The following BACE2 variants were observed in gnomAD, a reference collection of about 807,000 sequenced individuals.
The protein encoded by BACE2 is 56 kDa aspartic-like protease.
In BACE2, 17 loss-of-function variants were observed where a neutral mutation model predicts 46.2. The observed-to-expected ratio is 0.37, with a 90% confidence interval of 0.25 to 0.55. BACE2 has a LOEUF of 0.55. Ranked by LOEUF, BACE2 falls within the 20% of genes least tolerant of loss-of-function variation. The probability of loss-of-function intolerance (pLI) is 0.82; values close to 1 mark genes in which losing one functional copy is unlikely to be tolerated. For missense variants in BACE2, 595 were observed against 698.1 expected (o/e 0.85, Z 1.66); for synonymous variants, 277 against 295.9 (o/e 0.94, Z 0.66).
intron 8 of BACE2, among the ~76,000 whole-genome samples, chr21:41,273,922 G>A (rs1027499572): frequency 3.9e-5 from 6 of 152,164 alleles, no homozygotes; most frequent in Admixed American, 2.0e-4. Context: ...CAGTCCCTCC[G>A]TTCGGGGTCC....
At chr21:41,266,626 C>G (rs942576814) in intron 8 of BACE2, among the ~76,000 whole-genome samples, 1 of 152,248 alleles carries the variant, frequency 6.6e-6, no homozygotes, top group Admixed American at 6.5e-5. Flanking sequence ...CTCTTAGCCC[C>G]TGAGCTGAGC....
chr21:41,275,542 T>TGCC lies in BACE2; in HGVS notation c.1477_1479dup (p.Pro493dup), dbSNP rs1351202312. 6.2e-7 allele frequency: 1 copy of TGCC among 1,614,150 alleles called. No individual in the cohort carries two copies. Among genetic ancestry groups the TGCC allele is most frequent in the Non-Finnish European group, 8.5e-7 (1 of 1,180,040 alleles). The stretch of plus-strand genomic sequence containing the variant: ...CTTGTCTTAATCGTCCTGCTGCTGC[T>TGCC]GCCGTTCCGGTGTCAGCGTCGCCCC... On this transcript the variant is annotated inframe_insertion, in exon 9 of 9. Coordinates refer to ENST00000330333, the MANE Select transcript of BACE2 (RefSeq NM_012105.5).
intron 6 of BACE2, among the ~76,000 whole-genome samples, chr21:41,247,548 A>G (rs1271313150): frequency 6.6e-6 from 1 of 152,252 alleles, no homozygotes; most frequent in East Asian, 1.9e-4. Context: ...TTCCAACTTC[A>G]TATCCTGAAT....
chr21:41,237,387 A>G (rs1601295544), intron 2 of BACE2, 126 bp from the exon 3 acceptor site: 2 of 571,422 alleles, frequency 3.5e-6, no homozygotes, highest in Non-Finnish European at 5.4e-6. Context: ...CGGAGGTTGC[A>G]GTGAGCCAAG....
chr21:41,214,290 T>A (rs1021074011), intron 1 of BACE2, among the ~76,000 whole-genome samples: 11 of 152,166 alleles, frequency 7.2e-5, no homozygotes, highest in Admixed American at 6.5e-4. Flanking sequence ...ATTTGTTTGA[T>A]GGGAGGGTAG....
intron 5 of BACE2, 96 bp downstream of exon 5, chr21:41,243,606 T>A: frequency 2.3e-6 from 3 of 1,287,912 alleles, no homozygotes; most frequent in Non-Finnish European, 3.1e-6. Context: ...GAAGGTACAT[T>A]ACCTCGTAAG....
At position 41,235,416 on chromosome 21, in the gene BACE2, A is replaced by T. The variant is rs145921680; in HGVS notation, c.402-2097A>T. On this transcript the variant is annotated intron_variant, in intron 2 of 8. Coordinates refer to ENST00000330333, the MANE Select transcript of BACE2 (RefSeq NM_012105.5). ...TTGCTGTTATACATAAAACATCACG[A>T]CCATCCTGGCACATGAACCTCTGTC... 8.1e-4 allele frequency among the ~76,000 whole-genome samples: 123 copies of T among 152,358 alleles called. 1 individual carries two copies. The highest frequency in any genetic ancestry group is 2.5e-3 in the South Asian group (12 of 4,828).
chr21:41,191,939 G>A (rs1985584672), intron 1 of BACE2, among the ~76,000 whole-genome samples: 1 of 151,172 alleles, frequency 6.6e-6, no homozygotes, highest in Non-Finnish European at 1.5e-5. Flanking sequence ...AAATTTCTTT[G>A]TCACCAATTT....
In BACE2 at chr21:41,237,543, C is replaced by T. The variant is rs146426016; in HGVS notation, c.432C>T (p.Asp144=). ...RSSTYRSKGF[D]VTVKYTQGSW... ...GCACATACCGCTCCAAGGGCTTTGACGTCACAGTGAAGTACACACAAGGAA... is the reference window on the plus strand; with the variant it reads ...GCACATACCGCTCCAAGGGCTTTGATGTCACAGTGAAGTACACACAAGGAA... The change falls in exon 3 of 9, where the codon GAC becomes GAT. Residue 144 remains aspartate (D), a synonymous_variant. Coordinates refer to ENST00000330333, the MANE Select transcript of BACE2 (RefSeq NM_012105.5). 632 of 1,614,060 alleles carry T rather than the reference C, an allele frequency of 3.9e-4. No individual in the cohort carries two copies. Among genetic ancestry groups the T allele is most frequent in the Non-Finnish European group, 5.1e-4 (606 of 1,180,010 alleles).
chr21:41,224,806 G>A (rs568591074), intron 1 of BACE2, among the ~76,000 whole-genome samples: 1 of 152,302 alleles, frequency 6.6e-6, no homozygotes, highest in East Asian at 1.9e-4. Flanking sequence ...ACATTGAAAA[G>A]ACCAACACCA....
At chr21:41,249,117 G>GCCCCCA (rs58174815) in intron 6 of BACE2, among the ~76,000 whole-genome samples, 1 of 151,830 alleles carries the variant, frequency 6.6e-6, no homozygotes. Flanking sequence ...GGACTAGTGG[G>GCCCCCA]CATGTACACT....
chr21:41,175,034 T>C (rs1039390873), intron 1 of BACE2, among the ~76,000 whole-genome samples: 3 of 152,100 alleles, frequency 2.0e-5, no homozygotes, highest in African/African-American at 7.2e-5. Context: ...CTCCCCTTCA[T>C]CCTCTCTTGG....
chr21:41,274,697 C>G (rs1394635239), intron 8 of BACE2, among the ~76,000 whole-genome samples: 1 of 152,180 alleles, frequency 6.6e-6, no homozygotes. Flanking sequence ...AACTGTTTCT[C>G]TTTGTCACCA....
At chr21:41,259,017 T>C (rs896678128) in intron 8 of BACE2, among the ~76,000 whole-genome samples, 3 of 152,250 alleles carry the variant, frequency 2.0e-5, no homozygotes, top group African/African-American at 4.8e-5. Context: ...TAGGCAATTT[T>C]GTCCACAATT....
chr21:41,272,587 C>G (rs549731765), intron 8 of BACE2, among the ~76,000 whole-genome samples: 2 of 151,610 alleles, frequency 1.3e-5, no homozygotes, highest in Non-Finnish European at 2.9e-5. Flanking sequence ...ACAACCATCC[C>G]GTATATTTTT....
At chr21:41,205,037 G>A (rs2837967) in intron 1 of BACE2, among the ~76,000 whole-genome samples, 28,642 of 152,152 alleles carry the variant, frequency 0.19, 3,020 homozygotes, top group Middle Eastern at 0.28. Flanking sequence ...TGAAATTAGC[G>A]AAGGGTAGCA....
At chr21:41,241,558 G>A (rs772266231) in intron 3 of BACE2, among the ~76,000 whole-genome samples, 1 of 152,148 alleles carries the variant, frequency 6.6e-6, no homozygotes, top group Non-Finnish European at 1.5e-5. Context: ...GATGATAGAT[G>A]TGACTGCGTC....
At chr21:41,221,827 CAAA>C (rs58502168) in intron 1 of BACE2, among the ~76,000 whole-genome samples, 3 of 98,742 alleles carry the variant, frequency 3.0e-5, no homozygotes, top group Admixed American at 1.1e-4. Context: ...GACTCTGTCT[CAAA>C]AAAAAAAAAA....
chr21:41,180,981 T>C (rs1009896222), intron 1 of BACE2: 14 of 167,136 alleles, frequency 8.4e-5, no homozygotes, highest in African/African-American at 3.1e-4. Context: ...CCAAGTTCTT[T>C]AGCGTTAACT....
Sources: allele counts gnomAD v4.1 joint callset (sites outside exome capture counted in the v4.1 genomes callset), GRCh38; gene constraint gnomAD v4.1.1; transcripts MANE v1.5; gene names NCBI Gene and HGNC (gene_info 2026-07-23, HGNC 2026-07-21).